SUMF1: variants seen among roughly 807,000 people sequenced by gnomAD.
SUMF1 encodes formylglycine-generating enzyme.
In SUMF1, 48 loss-of-function variants were observed where a neutral mutation model predicts 47.6. The ratio of observed to expected loss-of-function variants is 1.01; its 90% CI spans 0.80 to 1.28. SUMF1 has a LOEUF of 1.28. Among genes scored for constraint, SUMF1 ranks in the 50% most tolerant of loss-of-function variants. SUMF1 has a pLI of 0.00. For synonymous variants in SUMF1, 230 were observed against 192.1 expected (o/e 1.20, Z -1.63); for missense variants, 571 against 485.4 (o/e 1.18, Z -1.66).
chr3:4,129,633 G>T (rs1374812571), intron 8 of SUMF1, among the ~76,000 whole-genome samples: 2 of 152,038 alleles, frequency 1.3e-5, no homozygotes, highest in Non-Finnish European at 2.9e-5. Flanking sequence ...TTTCTGCCAT[G>T]CTTCCCCAAG....
intron 9 of SUMF1, among the ~76,000 whole-genome samples, chr3:4,047,480 A>C (rs57674314): frequency 6.6e-6 from 1 of 152,112 alleles, no homozygotes; most frequent in Non-Finnish European, 1.5e-5. Flanking sequence ...AGGAGGCTTT[A>C]GAGCTCAATA....
chr3:4,169,481 A>T lies in SUMF1; in HGVS notation c.1015-100736T>A, dbSNP rs74283071. On this transcript the variant is annotated intron_variant and NMD_transcript_variant, in intron 8 of 12. Coordinates refer to the SUMF1 transcript ENST00000448413. The stretch of plus-strand genomic sequence containing the variant: ...ATCTACAAGACAAAGAACACCAAGG[A>T]TTGCCAACAACACCAGAATCCCAGA... 2.0e-5 allele frequency among the ~76,000 whole-genome samples: 3 copies of T among 152,292 alleles called. No individual in the cohort carries two copies. In the East Asian group the frequency reaches 5.8e-4, roughly 29 times the overall value.
intron 7 of SUMF1, among the ~76,000 whole-genome samples, chr3:4,399,592 C>T (rs966800560): frequency 3.3e-5 from 5 of 152,134 alleles, no homozygotes; most frequent in Non-Finnish European, 2.9e-5. Context: ...AGTGCGGGAA[C>T]ATTTAGGGTT....
chr3:4,097,705 C>T (rs1308517250), intron 8 of SUMF1, among the ~76,000 whole-genome samples: 1 of 152,172 alleles, frequency 6.6e-6, no homozygotes, highest in African/African-American at 2.4e-5. Flanking sequence ...CTCTCCAGGA[C>T]AATGTGCCAC....
At chr3:4,455,373 A>T (rs1703121205) in intron 1 of SUMF1, among the ~76,000 whole-genome samples, 1 of 152,220 alleles carries the variant, frequency 6.6e-6, no homozygotes, top group African/African-American at 2.4e-5. Flanking sequence ...ATCAAGAAAA[A>T]GTAGAAAATC....
intron 8 of SUMF1, among the ~76,000 whole-genome samples, chr3:4,258,552 A>T (rs1697010277): frequency 6.6e-6 from 1 of 151,916 alleles, no homozygotes; most frequent in African/African-American, 2.4e-5. Flanking sequence ...GCAAATCAAA[A>T]CCACTATGAG....
Position 4,051,129 on chromosome 3 carries a change from G to GA in SUMF1, c.1191+17439dup, listed in dbSNP as rs61131769. 1.9e-3 allele frequency among the ~76,000 whole-genome samples: 264 copies of GA among 140,282 alleles called. 1 individual carries two copies. Among genetic ancestry groups the GA allele is most frequent in the Middle Eastern group, 3.6e-3 (1 of 276 alleles). 92.0% of individuals were successfully genotyped at this position (140,282 alleles called of 152,430 possible). On this transcript the variant is annotated intron_variant and NMD_transcript_variant, in intron 9 of 12. Coordinates refer to the SUMF1 transcript ENST00000448413. Reference sequence around the variant, plus strand: ...ATACTACATTCTAAGGCAAAAAAAAGAAAAAAAAAAAGGGTGGGGAAAGGA... The same window carrying GA: ...ATACTACATTCTAAGGCAAAAAAAAGAAAAAAAAAAAAGGGTGGGGAAAGGA...
chr3:4,282,927 A>C (rs1417998872), intron 8 of SUMF1, among the ~76,000 whole-genome samples: 1 of 152,152 alleles, frequency 6.6e-6, no homozygotes, highest in Non-Finnish European at 1.5e-5. Flanking sequence ...AGCTATTTTT[A>C]TTGCTCTCCT....
At chr3:4,395,746 A>G (rs1701019374) in intron 7 of SUMF1, among the ~76,000 whole-genome samples, 1 of 152,218 alleles carries the variant, frequency 6.6e-6, no homozygotes, top group African/African-American at 2.4e-5. Flanking sequence ...TGCTTATACC[A>G]CGGTGGCTCC....
At chr3:4,273,133 T>C (rs1413429425) in intron 8 of SUMF1, among the ~76,000 whole-genome samples, 1 of 149,694 alleles carries the variant, frequency 6.7e-6, no homozygotes, top group African/African-American at 2.4e-5. Context: ...CACATATATA[T>C]ATATATAGAA....
intron 8 of SUMF1, among the ~76,000 whole-genome samples, chr3:4,367,423 T>C (rs574833191): frequency 7.9e-5 from 12 of 152,288 alleles, no homozygotes; most frequent in Non-Finnish European, 1.0e-4. Flanking sequence ...AGGTAATTTA[T>C]AGATTCAATG....
intron 3 of SUMF1, among the ~76,000 whole-genome samples, chr3:4,420,452 G>A (rs1376948306): frequency 6.8e-6 from 1 of 147,330 alleles, no homozygotes; most frequent in Non-Finnish European, 1.5e-5. Context: ...CTGGAGTGCA[G>A]GGGTTGCAAT....
intron 8 of SUMF1, among the ~76,000 whole-genome samples, chr3:4,082,795 T>C (rs537613656): frequency 4.6e-5 from 7 of 152,230 alleles, no homozygotes; most frequent in South Asian, 2.1e-4. Context: ...AGAATGGGTA[T>C]GATTTCACTA....
chr3:4,409,391 T>G (rs991899816), intron 7 of SUMF1, among the ~76,000 whole-genome samples: 1 of 152,188 alleles, frequency 6.6e-6, no homozygotes, highest in Non-Finnish European at 1.5e-5. Flanking sequence ...AGCCTGGGAT[T>G]GGTGAAAAGA....
chr3:4,171,504 C>T lies in SUMF1; in HGVS notation c.1015-102759G>A, dbSNP rs1195012500. On this transcript the variant is annotated intron_variant and NMD_transcript_variant, in intron 8 of 12. Transcript: ENST00000448413. The stretch of plus-strand genomic sequence containing the variant: ...ATGATTACATCTAAATTAGACCAGA[C>T]AATTATGTCAAAAATAAATTAATAT... Among the ~76,000 whole-genome samples, 5 of 152,248 alleles carry T rather than the reference C, an allele frequency of 3.3e-5. No homozygotes were observed. The South Asian group carries it at 6.2e-4, about 19-fold the overall frequency.
At chr3:4,157,582 A>C (rs545084124) in intron 8 of SUMF1, among the ~76,000 whole-genome samples, 1 of 151,558 alleles carries the variant, frequency 6.6e-6, no homozygotes, top group African/African-American at 2.4e-5. Flanking sequence ...GTTGACTTCT[A>C]GGTCATCCTG....
chr3:4,247,402 C>G (rs1247308259), intron 8 of SUMF1, among the ~76,000 whole-genome samples: 3 of 152,130 alleles, frequency 2.0e-5, no homozygotes, highest in African/African-American at 7.2e-5. Flanking sequence ...ATAAACATTT[C>G]TATGTAAAGC....
intron 8 of SUMF1, among the ~76,000 whole-genome samples, chr3:4,263,908 A>G (rs1697137013): frequency 6.6e-6 from 1 of 152,048 alleles, no homozygotes; most frequent in Non-Finnish European, 1.5e-5. Context: ...TTATTGTTTC[A>G]TTGAGTGACA....
chr3:4,360,783 G>A (rs981528809), downstream of SUMF1, among the ~76,000 whole-genome samples: 1 of 152,194 alleles, frequency 6.6e-6, no homozygotes, highest in African/African-American at 2.4e-5. Flanking sequence ...GGGTTCTCAG[G>A]ACTGAGGAAT....
Sources: allele counts gnomAD v4.1 joint callset (sites outside exome capture counted in the v4.1 genomes callset), GRCh38; gene constraint gnomAD v4.1.1; transcripts MANE v1.5; gene names NCBI Gene and HGNC (gene_info 2026-07-23, HGNC 2026-07-21).